RBFOX3: variants seen among roughly 807,000 people sequenced by gnomAD.
The protein encoded by RBFOX3 is RNA binding fox-1 homolog 3.
A neutral mutation model predicts 48.7 loss-of-function variants in RBFOX3; 17 were observed. The ratio of observed to expected loss-of-function variants is 0.35; its 90% CI spans 0.24 to 0.52. RBFOX3 has a LOEUF of 0.52. RBFOX3 is among the 20% of genes least tolerant of loss of function. The pLI, the probability that RBFOX3 is intolerant of heterozygous loss-of-function variation, is 0.94. For synonymous variants in RBFOX3, 212 were observed against 209.5 expected (o/e 1.01, Z -0.10); for missense variants, 382 against 497.5 (o/e 0.77, Z 2.21).
At chr17:79,247,157 C>G (rs1163838197) in intron 3 of RBFOX3, among the ~76,000 whole-genome samples, 2 of 152,070 alleles carry the variant, frequency 1.3e-5, no homozygotes, top group Admixed American at 6.5e-5. Context: ...TGGAGGCTGG[C>G]TGCTAGAATG....
intron 1 of RBFOX3, among the ~76,000 whole-genome samples, chr17:79,534,391 G>T (rs954874470): frequency 2.6e-5 from 4 of 152,240 alleles, no homozygotes; most frequent in African/African-American, 9.6e-5. Flanking sequence ...GAGATGCTCA[G>T]GAGTGGCTCA....
upstream of RBFOX3, among the ~76,000 whole-genome samples, chr17:79,611,231 G>A (rs2093967257): frequency 8.4e-6 from 1 of 119,338 alleles, no homozygotes; most frequent in Non-Finnish European, 1.6e-5. Context: ...TGGCTCGTTC[G>A]GCTGGAGCGA....
At chr17:79,331,319 A>C (rs1203187235) in intron 2 of RBFOX3, among the ~76,000 whole-genome samples, 1 of 152,018 alleles carries the variant, frequency 6.6e-6, no homozygotes, top group Non-Finnish European at 1.5e-5. Flanking sequence ...CCTGGTCGCC[A>C]CATGTCTGGG....
chr17:79,634,586 G>A, the RBFOX3 span, among the ~76,000 whole-genome samples: 47 of 152,276 alleles, frequency 3.1e-4, no homozygotes, highest in Admixed American at 6.5e-4. Flanking sequence ...TCTAAAGACC[G>A]TGGGTAACAC....
intron 2 of RBFOX3, among the ~76,000 whole-genome samples, chr17:79,455,860 C>G (rs1231604781): frequency 6.6e-6 from 1 of 152,202 alleles, no homozygotes; most frequent in Non-Finnish European, 1.5e-5. Flanking sequence ...TGGCCTCCCC[C>G]GAGGGCCACC....
chr17:79,342,217 T>A (rs994476260), intron 2 of RBFOX3, among the ~76,000 whole-genome samples: 1 of 152,378 alleles, frequency 6.6e-6, no homozygotes, highest in Admixed American at 6.5e-5. Context: ...TTTTCAGGCC[T>A]GGTGAATAAA....
At chr17:79,279,122 G>T (rs1314760354) in intron 3 of RBFOX3, among the ~76,000 whole-genome samples, 1 of 152,042 alleles carries the variant, frequency 6.6e-6, no homozygotes, top group African/African-American at 2.4e-5. Context: ...GTGATAGGAG[G>T]AGGAGGAGAG....
intron 1 of RBFOX3, among the ~76,000 whole-genome samples, chr17:79,551,633 C>T (rs931421109): frequency 2.6e-5 from 4 of 152,032 alleles, no homozygotes; most frequent in South Asian, 2.1e-4. Flanking sequence ...GTCATGGGGG[C>T]GGATCCCTCA....
intron 2 of RBFOX3, among the ~76,000 whole-genome samples, chr17:79,434,808 G>A (rs567488529): frequency 2.0e-4 from 30 of 152,274 alleles, no homozygotes; most frequent in African/African-American, 5.5e-4. Flanking sequence ...TTAATGGGGA[G>A]AGAACTTTTT....
intron 1 of RBFOX3, among the ~76,000 whole-genome samples, chr17:79,567,763 A>G (rs1324238683): frequency 6.6e-6 from 1 of 152,176 alleles, no homozygotes; most frequent in Non-Finnish European, 1.5e-5. Context: ...CCTGGCAGGG[A>G]AGAGCGATCT....
At chr17:79,099,499 T>C (rs922334512) in intron 9 of RBFOX3, 2 of 152,226 alleles carry the variant, frequency 1.3e-5, no homozygotes, top group Non-Finnish European at 2.9e-5. Context: ...AGGCCCATGA[T>C]GGAGCAGAGT....
chr17:79,307,004 G>A (rs559516740), intron 3 of RBFOX3, among the ~76,000 whole-genome samples: 8 of 152,352 alleles, frequency 5.3e-5, no homozygotes, highest in African/African-American at 1.7e-4. Flanking sequence ...TTTCTCTCTT[G>A]GCACTCGGAG....
chr17:79,551,451 T>G (rs1278633199), intron 1 of RBFOX3, among the ~76,000 whole-genome samples: 1 of 149,098 alleles, frequency 6.7e-6, no homozygotes, highest in Admixed American at 6.8e-5. Flanking sequence ...GGATGCCTGG[T>G]TGAATAGGTA....
chr17:79,113,121 C>G (rs2032632296), intron 5 of RBFOX3, among the ~76,000 whole-genome samples: 1 of 152,034 alleles, frequency 6.6e-6, no homozygotes, highest in Admixed American at 6.5e-5. Context: ...AGGGGAGGCT[C>G]GAGTGAGCTG....
At chr17:79,122,356 C>T (rs915069805) in intron 4 of RBFOX3, among the ~76,000 whole-genome samples, 1 of 152,198 alleles carries the variant, frequency 6.6e-6, no homozygotes, top group African/African-American at 2.4e-5. Context: ...GCTCCTGCTT[C>T]TCTCCTCTTG....
chr17:79,566,131 G>C (rs74188663), intron 1 of RBFOX3, among the ~76,000 whole-genome samples: 77,642 of 151,952 alleles, frequency 0.51, 21,386 homozygotes, highest in South Asian at 0.66. Context: ...GCAGCCACAA[G>C]GAACAGGGAG....
At chr17:79,585,986 TGG>T (rs1291117573) in intron 1 of RBFOX3, among the ~76,000 whole-genome samples, 5 of 152,240 alleles carry the variant, frequency 3.3e-5, no homozygotes, top group African/African-American at 1.2e-4. Context: ...TCTCCCAGGC[TGG>T]GGCCCTCAGA....
chr17:79,609,632 C>T (rs1308708164), intron 1 of RBFOX3, among the ~76,000 whole-genome samples: 2 of 152,148 alleles, frequency 1.3e-5, no homozygotes, highest in African/African-American at 4.8e-5. Flanking sequence ...CCCCCGCCCC[C>T]ACCAGTGGAC....
chr17:79,299,356 G>A lies in RBFOX3; in HGVS notation c.-74+8368C>T, dbSNP rs2074946659. Among the ~76,000 whole-genome samples the A allele has an allele frequency of 6.6e-6, 1 of 152,114 alleles. No individual in the cohort carries two copies. On this transcript the variant is annotated intron_variant, in intron 3 of 14. Coordinates refer to ENST00000693108, the MANE Select transcript of RBFOX3 (RefSeq NM_001350451.2). The surrounding 1 kb of genome is among the most constrained non-coding windows in gnomAD (Gnocchi z 4.5). ...AATGGGACTGTACAGGCAGTCCTCT[G>A]GATCTTAGAGTTCTGCATCCATGGA...
Sources: gnomAD v4.1 joint callset for allele counts (sites outside exome capture counted in the v4.1 genomes callset) on GRCh38, gnomAD v4.1.1 for gene constraint, Gnocchi (gnomAD v3.1) non-coding constraint, MANE v1.5 for transcripts, NCBI Gene and HGNC (gene_info 2026-07-23, HGNC 2026-07-21) for gene names.